The following DUSP9 variants were observed in gnomAD, a reference collection of about 807,000 sequenced individuals.
DUSP9 encodes dual specificity protein phosphatase 9.
Under a neutral mutation model 13.2 loss-of-function variants are expected in DUSP9, and 4 were observed. The observed-to-expected ratio is 0.30, with a 90% CI of 0.15 to 0.69. The LOEUF (loss-of-function observed/expected upper bound fraction) is 0.69. DUSP9 is among the 30% of genes least tolerant of loss of function. DUSP9 has a pLI of 0.73. For missense variants in DUSP9, 263 were observed against 355.0 expected (o/e 0.74, Z 2.08); for synonymous variants, 166 against 172.3 (o/e 0.96, Z 0.29).
upstream of DUSP9, among the ~76,000 whole-genome samples, chrX:153,644,685 G>A (rs1280804651): frequency 1.8e-5 from 2 of 112,720 alleles, no homozygotes; most frequent in African/African-American, 6.4e-5. Context: ...CCCGGTGCGA[G>A]GACTTGGCAG....
upstream of DUSP9, chrX:153,643,561 G>T (rs782201386): frequency 6.1e-6 from 2 of 325,874 alleles, no homozygotes; most frequent in South Asian, 5.6e-5. Flanking sequence ...AAGGGGCCCC[G>T]GGGAGGGGCG....
upstream of DUSP9, among the ~76,000 whole-genome samples, chrX:153,644,658 C>T (rs1204566564): frequency 4.4e-5 from 5 of 112,648 alleles, no homozygotes; most frequent in Non-Finnish European, 5.6e-5. Flanking sequence ...CTCATGGCCT[C>T]CTCCCAAATG....
In DUSP9 at chrX:153,650,353, T is replaced by G. The variant is rs1239769015; in HGVS notation, c.*48T>G. On this transcript the variant is annotated 3_prime_UTR_variant, in exon 4 of 4. Transcript: ENST00000342782. Reference sequence around the variant, plus strand: ...CCCCTGCCCCACCCCCACCCACGGGTGTCCCTGCCCACTCGTGTGGCAAGG... The same window carrying G: ...CCCCTGCCCCACCCCCACCCACGGGGGTCCCTGCCCACTCGTGTGGCAAGG... 4 of 956,757 alleles carry G rather than the reference T, an allele frequency of 4.2e-6. No individual in the cohort carries two copies. Among genetic ancestry groups the G allele is most frequent in the Non-Finnish European group, 4.2e-6 (3 of 708,446 alleles). 78.8% of individuals were successfully genotyped at this position (956,757 alleles called of 1,213,427 possible).
chrX:153,649,960 C>T lies in DUSP9; in HGVS notation c.830-20C>T. 1 of 1,197,351 alleles carries T rather than the reference C, an allele frequency of 8.4e-7. No homozygotes were observed. The highest frequency in any genetic ancestry group is 1.1e-6 in the Non-Finnish European group (1 of 888,134). ...ACGCCTGCCCTCCGGGTCTCCCGGG[C>T]CCTTTCCTGCCCCATCTAGATGAGG... On this transcript the variant is annotated intron_variant, in intron 3 of 3. Coordinates refer to ENST00000342782, the MANE Select transcript of DUSP9 (RefSeq NM_001318503.2).
At chrX:153,644,432 G>A (rs72616449), upstream of DUSP9, among the ~76,000 whole-genome samples, 19,176 of 107,094 alleles carry the variant, frequency 0.18, 1,652 homozygotes, top group Middle Eastern at 0.34. Context: ...AGCGCACCCG[G>A]GAGCGGCTGC....
At position 153,649,637 on chromosome X, in the gene DUSP9, A is replaced by G; in HGVS notation, c.779A>G (p.His260Arg). The change falls in exon 3 of 4, where the codon CAC becomes CGC. Residue 260 changes from histidine to arginine, a missense_variant. His to Arg is a conservative substitution (Grantham distance 29). Transcript: ENST00000342782. ...FHYKQIPISD[H>R]WSQNLSRFFP... ...TACAAGCAGATCCCCATCTCCGACC[A>G]CTGGAGCCAGAACCTGTCGCGGTTC... The G allele has an allele frequency of 8.3e-7, 1 of 1,211,622 alleles. No homozygotes were observed. The highest frequency in any genetic ancestry group is 1.1e-6 in the Non-Finnish European group (1 of 895,545).
chrX:153,648,812 C>A (rs1328536351), intron 2 of DUSP9, among the ~76,000 whole-genome samples: 1 of 112,503 alleles, frequency 8.9e-6, no homozygotes, highest in African/African-American at 3.2e-5. Flanking sequence ...GAGCCATATT[C>A]TCCCCCAAGT....
rs1569537986 is a variant in DUSP9, at chrX:153,648,224, G to T, written c.271G>T (p.Gly91Trp). 9.1e-6 allele frequency: 10 copies of T among 1,099,081 alleles called. No homozygotes were observed. The Admixed American group carries it at 2.3e-4, about 26-fold the overall frequency. The allele number at this position is 1,099,081 out of a possible 1,213,427, so 90.6% of individuals were successfully genotyped here. A position where few individuals can be genotyped will look rare whatever the true frequency, so the allele number is the denominator to read the frequency against. ...CCAGGGCGGGGGCCGGCGCCGGCGCGGGGAGGCCGAGGCCGAGGCCGAGGA... is the reference window on the plus strand; with the variant it reads ...CCAGGGCGGGGGCCGGCGCCGGCGCTGGGAGGCCGAGGCCGAGGCCGAGGA... ...YDQGGGRRRR[G>W]EAEAEAEEWE... The change falls in exon 2 of 4, where the codon GGG (glycine) becomes TGG (tryptophan). Residue 91 changes from glycine (G) to tryptophan (W), a missense_variant. Gly to Trp is a radical substitution (Grantham distance 184, BLOSUM62 -2). Coordinates refer to ENST00000342782, the MANE Select transcript of DUSP9 (RefSeq NM_001318503.2).
At chrX:153,649,904 G>A in intron 3 of DUSP9, 76 bp from the exon 4 acceptor site, 3 of 1,105,175 alleles carry the variant, frequency 2.7e-6, no homozygotes, top group Non-Finnish European at 3.6e-6. Flanking sequence ...CGGGGCCTTT[G>A]AGGGCCCTTC....
upstream of DUSP9, chrX:153,642,567 G>A (rs1317539600): frequency 1.8e-5 from 2 of 112,191 alleles, no homozygotes; most frequent in Non-Finnish European, 3.8e-5. Context: ...GAAACTTCCC[G>A]GCCGCGACGC....
chrX:153,650,667 C>CAGTCCCGCCCCTGTCCCAA lies in DUSP9; in HGVS notation c.*365_*366insCCCGCCCCTGTCCCAAAGT. ...TGTGCCACCTCGTTGCACTGGATCC[C>CAGTCCCGCCCCTGTCCCAA]AGTGGCTGCTTGGGGGAGAGGCGTT... is the stretch of plus-strand genomic sequence containing the variant. On this transcript the variant is annotated 3_prime_UTR_variant, in exon 4 of 4. Coordinates refer to ENST00000342782, the MANE Select transcript of DUSP9 (RefSeq NM_001318503.2). 1 of 166,696 alleles carries CAGTCCCGCCCCTGTCCCAA rather than the reference C, an allele frequency of 6.0e-6. No homozygotes were observed. Among genetic ancestry groups the CAGTCCCGCCCCTGTCCCAA allele is most frequent in the Non-Finnish European group, 1.1e-5 (1 of 87,154 alleles). The allele number at this position is 166,696 out of a possible 1,213,427, so 13.7% of individuals were successfully genotyped here. A position where few individuals can be genotyped will look rare whatever the true frequency, so the allele number is the denominator to read the frequency against.
At chrX:153,646,261 C>T (rs2091187393), upstream of DUSP9, among the ~76,000 whole-genome samples, 1 of 112,138 alleles carries the variant, frequency 8.9e-6, no homozygotes, top group Non-Finnish European at 1.9e-5. Context: ...GGATCTGTCC[C>T]GCCTGTTGTG....
At position 153,650,348 on chromosome X, in the gene DUSP9, A is replaced by C. The variant is rs2148323554; in HGVS notation, c.*43A>C. The C allele has an allele frequency of 1.6e-5, 15 of 947,202 alleles. No homozygotes were observed. The highest frequency in any genetic ancestry group is 3.5e-5 in the East Asian group (1 of 28,486). 78.1% of individuals were successfully genotyped at this position (947,202 alleles called of 1,213,427 possible). On this transcript the variant is annotated 3_prime_UTR_variant, in exon 4 of 4. Transcript: ENST00000342782. ...GCCGGCCCCTGCCCCACCCCCACCC[A>C]CGGGTGTCCCTGCCCACTCGTGTGG...
upstream of DUSP9, among the ~76,000 whole-genome samples, chrX:153,644,289 C>T (rs868984885): frequency 1.3e-4 from 1 of 7,771 alleles, no homozygotes; most frequent in African/African-American, 4.9e-4. Context: ...CCGGCGGGGG[C>T]GGGTGCGGGG....
At chrX:153,648,731 C>T (rs2091199520) in intron 2 of DUSP9, among the ~76,000 whole-genome samples, 1 of 111,929 alleles carries the variant, frequency 8.9e-6, no homozygotes, top group African/African-American at 3.2e-5. Context: ...CTTAGCCTCC[C>T]GAACAGCATA....
chrX:153,649,698 C>T lies in DUSP9; in HGVS notation c.829+11C>T, dbSNP rs1386438806. The T allele has an allele frequency of 3.1e-5, 33 of 1,053,825 alleles. No homozygotes were observed. The highest frequency in any genetic ancestry group is 4.0e-5 in the Non-Finnish European group (31 of 783,916). The allele number at this position is 1,053,825 out of a possible 1,213,427, so 86.8% of individuals were successfully genotyped here. ...CCATTGAGTTCATTGGTGAGTCCAC[C>T]CCACCCACCCTTCCCTCCTGTCCTC... On this transcript the variant is annotated intron_variant, in intron 3 of 3. Coordinates refer to ENST00000342782, the MANE Select transcript of DUSP9 (RefSeq NM_001318503.2).
rs1472724050 is a variant in DUSP9 at position 153,650,441 on chromosome X, C to A, written c.*136C>A. 6.3e-6 allele frequency: 3 copies of A among 478,382 alleles called. No individual in the cohort carries two copies. The highest frequency in any genetic ancestry group is 1.0e-5 in the Non-Finnish European group (3 of 286,250). The allele number at this position is 478,382 out of a possible 1,213,427, so 39.4% of individuals were successfully genotyped here. On this transcript the variant is annotated 3_prime_UTR_variant, in exon 4 of 4. Transcript: ENST00000342782. ...TGGGGGGAGAGCGCAATACCTCACG[C>A]GGGCTGCCGTCCTAATCAACGTGCC...
chrX:153,645,477 C>G (rs782606211), upstream of DUSP9, among the ~76,000 whole-genome samples: 81 of 113,090 alleles, frequency 7.2e-4, no homozygotes, highest in Non-Finnish European at 1.3e-3. Flanking sequence ...GCCCACTGCC[C>G]GAAAGGGAGG....
upstream of DUSP9, among the ~76,000 whole-genome samples, chrX:153,644,778 T>C (rs1413622714): frequency 4.5e-5 from 5 of 112,184 alleles, no homozygotes; most frequent in African/African-American, 1.6e-4. Flanking sequence ...TTCCCCTCCC[T>C]TCCCCATTGC....
Sources: allele counts gnomAD v4.1 joint callset (sites outside exome capture counted in the v4.1 genomes callset), GRCh38; gene constraint gnomAD v4.1.1; transcripts MANE v1.5; gene names NCBI Gene and HGNC (gene_info 2026-07-23, HGNC 2026-07-21).